ENTPD7: variants seen among roughly 807,000 people sequenced by gnomAD.
ENTPD7 encodes ectonucleoside triphosphate diphosphohydrolase 7.
A neutral mutation model predicts 77.9 loss-of-function variants in ENTPD7; 53 were observed. That is an observed-to-expected ratio of 0.68 (90% CI 0.55 to 0.85). The LOEUF (loss-of-function observed/expected upper bound fraction) is 0.85, where lower values mean the gene tolerates loss of function less well. Among genes scored for constraint, ENTPD7 ranks in the 40% least tolerant of loss-of-function variants. ENTPD7 has a pLI of 0.00. For synonymous variants in ENTPD7, 248 were observed against 274.9 expected (o/e 0.90, Z 0.97); for missense variants, 636 against 743.7 (o/e 0.86, Z 1.68).
Position 99,704,759 on chromosome 10 carries a change from C to T in ENTPD7, c.*76C>T. On this transcript the variant is annotated 3_prime_UTR_variant, in exon 13 of 13. Transcript: ENST00000370489. The stretch of plus-strand genomic sequence containing the variant: ...GAATTCCTCCACTTTCTTATATAGC[C>T]TCAGATGCTGTGATGTCTGACCTTG... The T allele has an allele frequency of 7.6e-7, 1 of 1,317,708 alleles. No homozygotes were observed. The highest frequency in any genetic ancestry group is 1.1e-6 in the Non-Finnish European group (1 of 941,830). 81.6% of individuals were successfully genotyped at this position (1,317,708 alleles called of 1,614,324 possible). A position where few individuals can be genotyped will look rare whatever the true frequency, so the allele number is the denominator to read the frequency against.
In ENTPD7 at chr10:99,688,760, A is replaced by G; in HGVS notation, c.709+10A>G. The G allele has an allele frequency of 6.2e-7, 1 of 1,613,680 alleles. No homozygotes were observed. Among genetic ancestry groups the G allele is most frequent in the Non-Finnish European group, 8.5e-7 (1 of 1,179,698 alleles). On this transcript the variant is annotated intron_variant, in intron 7 of 12. Transcript: ENST00000370489. Reference sequence around the variant, plus strand: ...TTCGACCACGAGGATGGTGAGTAATATTGTCTTTTTATGACAGTTTACCTA... The same window carrying G: ...TTCGACCACGAGGATGGTGAGTAATGTTGTCTTTTTATGACAGTTTACCTA...
Position 99,708,162 on chromosome 10 carries a change from C to T in ENTPD7, c.*3479C>T, listed in dbSNP as rs2036288869. ...CAAATGTCTTCCAAAGTATCCTGCC[C>T]CACCCCCTCCTCATCCTAAGAGATT... On this transcript the variant is annotated 3_prime_UTR_variant, in exon 13 of 13. Transcript: ENST00000370489. Among the ~76,000 whole-genome samples the T allele has an allele frequency of 6.6e-6, 1 of 152,108 alleles. No homozygotes were observed. The highest frequency in any genetic ancestry group is 1.9e-4 in the East Asian group (1 of 5,198).
intron 6 of ENTPD7, among the ~76,000 whole-genome samples, chr10:99,687,727 G>A (rs2035833209): frequency 6.6e-6 from 1 of 152,150 alleles, no homozygotes; most frequent in African/African-American, 2.4e-5. Flanking sequence ...TAGCTTGGAG[G>A]TGAGCCCAGG....
At chr10:99,701,777 G>T (rs12254695) in intron 11 of ENTPD7, among the ~76,000 whole-genome samples, 5 of 151,858 alleles carry the variant, frequency 3.3e-5, no homozygotes, top group African/African-American at 1.2e-4. Context: ...GCCGGGCATG[G>T]TGGCTCACAC....
At chr10:99,671,139 G>A (rs2035615189) in intron 3 of ENTPD7, among the ~76,000 whole-genome samples, 1 of 151,750 alleles carries the variant, frequency 6.6e-6, no homozygotes, top group South Asian at 2.1e-4. Flanking sequence ...TGAAGGCCTC[G>A]GACATTACTG....
At chr10:99,672,196 G>C (rs1021612715) in intron 3 of ENTPD7, among the ~76,000 whole-genome samples, 9 of 152,022 alleles carry the variant, frequency 5.9e-5, no homozygotes, top group African/African-American at 1.2e-4. Flanking sequence ...TGTTGCCCAG[G>C]TTGGCCTTGA....
intron 3 of ENTPD7, among the ~76,000 whole-genome samples, chr10:99,664,454 T>C (rs1326571307): frequency 2.0e-5 from 3 of 149,144 alleles, no homozygotes; most frequent in Non-Finnish European, 3.0e-5. Flanking sequence ...CATTTTCTTT[T>C]TTTTTTTTTT....
In ENTPD7 at chr10:99,704,483, C is replaced by T. The variant is rs146275364; in HGVS notation, c.1615C>T (p.His539Tyr). The T allele has an allele frequency of 4.3e-5, 70 of 1,614,122 alleles. No individual in the cohort carries two copies. The highest frequency in any genetic ancestry group is 5.7e-5 in the Non-Finnish European group (67 of 1,180,048). Residue 539 changes from histidine to tyrosine, a missense_variant, in exon 13 of 13, where the codon CAT (histidine) becomes TAT (tyrosine). His to Tyr is a moderately conservative substitution (Grantham distance 83). Around this residue, in one of 3 missense-constraint regions of ENTPD7, gnomAD observed 138 missense variants for 150.9 expected, o/e 0.91. Transcript: ENST00000370489. ...TCGGCAGGAAGGTGTCCGACAAGCCCATGGTAGCTGGTTCCGTCTCTCCTT... is the reference window on the plus strand; with the variant it reads ...TCGGCAGGAAGGTGTCCGACAAGCCTATGGTAGCTGGTTCCGTCTCTCCTT... The part of the protein sequence containing the change: ...DLRQEGVRQA[H>Y]GSWFRLSFVY...
chr10:99,667,071 A>T (rs565504531), intron 3 of ENTPD7, among the ~76,000 whole-genome samples: 1 of 152,242 alleles, frequency 6.6e-6, no homozygotes, highest in Non-Finnish European at 1.5e-5. Context: ...GTCAGAGCCA[A>T]TAAATACTTG....
rs2036208636 is a variant in ENTPD7, at chr10:99,704,505, C to A, written c.1637C>A (p.Ser546Tyr). Residue 546 changes from serine to tyrosine, a missense_variant, in exon 13 of 13, where the codon TCC becomes TAC. Ser to Tyr is a moderately radical substitution (Grantham distance 144). Coordinates refer to ENST00000370489, the MANE Select transcript of ENTPD7 (RefSeq NM_020354.5). Reference protein sequence around the residue: ...RQAHGSWFRLSFVYNHYLFFA... With the variant: ...RQAHGSWFRLYFVYNHYLFFA... ...GCCCATGGTAGCTGGTTCCGTCTCT[C>A]CTTTGTATACAACCACTATCTCTTC... The A allele has an allele frequency of 1.2e-6, 2 of 1,614,218 alleles. No homozygotes were observed. The highest frequency in any genetic ancestry group is 1.1e-5 in the South Asian group (1 of 91,086).
In ENTPD7 at chr10:99,710,328, C is replaced by A. The variant is rs1000984; in HGVS notation, c.*5645C>A. The A allele has an allele frequency of 5.6e-4, 553 of 985,432 alleles. 6 individuals are homozygous for A. The East Asian group carries it at 0.02, about 35-fold the overall frequency. 61.0% of individuals were successfully genotyped at this position (985,432 alleles called of 1,614,324 possible). A position where few individuals can be genotyped will look rare whatever the true frequency, so the allele number is the denominator to read the frequency against. ...CAGTTACTATGTTGTATTTGAAATT[C>A]TCATTCCACAATTACCCTTTAGTTG... On this transcript the variant is annotated 3_prime_UTR_variant, in exon 13 of 13. Coordinates refer to ENST00000370489, the MANE Select transcript of ENTPD7 (RefSeq NM_020354.5).
intron 5 of ENTPD7, among the ~76,000 whole-genome samples, chr10:99,681,546 G>A (rs1239660260): frequency 1.3e-5 from 2 of 152,136 alleles, no homozygotes; most frequent in Non-Finnish European, 2.9e-5. Flanking sequence ...GCCTCCCAAA[G>A]TGCTGAATTA....
chr10:99,699,888 C>T (rs2133509338), intron 10 of ENTPD7, among the ~76,000 whole-genome samples: 1 of 151,900 alleles, frequency 6.6e-6, no homozygotes, highest in East Asian at 1.9e-4. Context: ...TCCCTCCCTC[C>T]CTCCCTTCCC....
intron 7 of ENTPD7, among the ~76,000 whole-genome samples, chr10:99,690,992 T>C (rs2035875536): frequency 6.6e-6 from 1 of 152,176 alleles, no homozygotes; most frequent in South Asian, 2.1e-4. Flanking sequence ...ACTTGTTTGC[T>C]TTCTTTTTTT....
chr10:99,665,435 C>T (rs2035537311), intron 3 of ENTPD7, among the ~76,000 whole-genome samples: 1 of 152,120 alleles, frequency 6.6e-6, no homozygotes, highest in Admixed American at 6.5e-5. Context: ...AGAATTGGGA[C>T]ACATGCCTAC....
intron 12 of ENTPD7, among the ~76,000 whole-genome samples, chr10:99,703,025 A>G (rs6584311): frequency 0.84 from 127,912 of 152,184 alleles, 54,003 homozygotes; most frequent in Middle Eastern, 0.92. Context: ...GTTACCCTGG[A>G]AAACACATCT....
chr10:99,692,718 G>T (rs2035902981), intron 8 of ENTPD7, among the ~76,000 whole-genome samples: 1 of 152,176 alleles, frequency 6.6e-6, no homozygotes, highest in African/African-American at 2.4e-5. Context: ...GCTAAATCAT[G>T]AGCAGTATTG....
At chr10:99,696,320 T>C (rs1294306590) in intron 9 of ENTPD7, among the ~76,000 whole-genome samples, 198 bp downstream of exon 9, 2 of 152,220 alleles carry the variant, frequency 1.3e-5, no homozygotes, top group African/African-American at 4.8e-5. Context: ...TGATCTTTGT[T>C]ATTAGGACTC....
chr10:99,702,743 CT>C (rs2036166191), intron 12 of ENTPD7, 70 bp downstream of exon 12: 1 of 1,397,664 alleles, frequency 7.2e-7, no homozygotes, highest in African/African-American at 1.5e-5. Context: ...GAATCGGTTT[CT>C]TTCTTTTTTT....
Sources: gnomAD v4.1 joint callset for allele counts (sites outside exome capture counted in the v4.1 genomes callset) on GRCh38, gnomAD v4.1.1 for gene constraint, gnomAD v4.1.1 regional missense constraint, MANE v1.5 for transcripts, NCBI Gene and HGNC (gene_info 2026-07-23, HGNC 2026-07-21) for gene names.